The following HTR4 variants were observed in gnomAD, a reference collection of about 807,000 sequenced individuals.
HTR4 encodes the protein 5-hydroxytryptamine (serotonin) receptor 4, G protein-coupled.
Under a neutral mutation model 36.8 loss-of-function variants are expected in HTR4, and 16 were observed. That is an observed-to-expected ratio of 0.43 (90% confidence interval 0.29 to 0.66). The LOEUF (loss-of-function observed/expected upper bound fraction) is 0.66, where lower values mean the gene tolerates loss of function less well. Among genes scored for constraint, HTR4 ranks in the 30% least tolerant of loss-of-function variants. The pLI is 0.13. For missense variants in HTR4, 438 were observed against 490.9 expected, an observed-to-expected ratio of 0.89 and a Z score of 1.02; for synonymous variants, 189 against 185.1, an observed-to-expected ratio of 1.02 and a Z score of -0.17.
chr5:148,598,928 TA>T (rs1761885548), intron 2 of HTR4, among the ~76,000 whole-genome samples: 2 of 152,160 alleles, frequency 1.3e-5, no homozygotes. Context: ...AAGTAGATTT[TA>T]AAATATTTTA....
intron 2 of HTR4, among the ~76,000 whole-genome samples, chr5:148,557,992 T>A (rs1760030213): frequency 6.6e-6 from 1 of 151,904 alleles, no homozygotes; most frequent in Non-Finnish European, 1.5e-5. Context: ...AAGTGTCTCC[T>A]CTCCCACCTG....
chr5:148,583,113 A>G (rs1167765253), intron 2 of HTR4, among the ~76,000 whole-genome samples: 1 of 151,636 alleles, frequency 6.6e-6, no homozygotes, highest in African/African-American at 2.4e-5. Context: ...CGTCCCATCA[A>G]TACCTAATTT....
downstream of HTR4, among the ~76,000 whole-genome samples, chr5:148,479,699 A>G (rs1182990533): frequency 1.3e-5 from 2 of 152,192 alleles, no homozygotes; most frequent in East Asian, 3.9e-4. Context: ...AATCATAGCT[A>G]TAACTAACAA....
At chr5:148,614,060 T>G (rs1317523106) in intron 2 of HTR4, among the ~76,000 whole-genome samples, 2 of 151,812 alleles carry the variant, frequency 1.3e-5, no homozygotes, top group Middle Eastern at 6.3e-3. Flanking sequence ...GAACATTCTA[T>G]GCTCATGGGT....
At chr5:148,609,662 T>G (rs1314322765) in intron 2 of HTR4, among the ~76,000 whole-genome samples, 1 of 150,046 alleles carries the variant, frequency 6.7e-6, no homozygotes, top group East Asian at 2.0e-4. Flanking sequence ...GCCTCCAGGG[T>G]TCATGCCATT....
At chr5:148,540,151 A>T (rs1040519414) in intron 4 of HTR4, among the ~76,000 whole-genome samples, 2 of 151,988 alleles carry the variant, frequency 1.3e-5, no homozygotes, top group African/African-American at 4.8e-5. Context: ...GTTCTCGTTT[A>T]TAAATGGGAG....
intron 2 of HTR4, among the ~76,000 whole-genome samples, chr5:148,552,404 G>C (rs567693072): frequency 6.6e-6 from 1 of 152,326 alleles, no homozygotes; most frequent in East Asian, 1.9e-4. Flanking sequence ...TTAATAGGCT[G>C]ATGTGGCCAC....
At chr5:148,580,171 C>T (rs1581503515) in intron 2 of HTR4, among the ~76,000 whole-genome samples, 1 of 151,946 alleles carries the variant, frequency 6.6e-6, no homozygotes. Context: ...CAATTAGATA[C>T]AGTGAAACAA....
At chr5:148,561,285 G>C (rs1581478571) in intron 2 of HTR4, among the ~76,000 whole-genome samples, 1 of 152,150 alleles carries the variant, frequency 6.6e-6, no homozygotes, top group Non-Finnish European at 1.5e-5. Context: ...GTTAAAAGCT[G>C]TAAGGAATAC....
intron 6 of HTR4, among the ~76,000 whole-genome samples, chr5:148,505,248 A>G (rs1238002365): frequency 1.2e-4 from 19 of 152,240 alleles, no homozygotes; most frequent in Admixed American, 1.2e-3. Flanking sequence ...AATCCAGCAT[A>G]TAAACAGAAC....
chr5:148,603,459 A>G (rs1762065029), intron 2 of HTR4, among the ~76,000 whole-genome samples: 1 of 152,070 alleles, frequency 6.6e-6, no homozygotes, highest in Non-Finnish European at 1.5e-5. Flanking sequence ...AAGCTTTTTC[A>G]TAATATCAAA....
chr5:148,453,223 ACAT>A (rs1256228040), intron 5 of HTR4, among the ~76,000 whole-genome samples: 1 of 152,146 alleles, frequency 6.6e-6, no homozygotes, highest in Non-Finnish European at 1.5e-5. Context: ...CCCCTCAGAA[ACAT>A]CAGGTTCATC....
intron 2 of HTR4, among the ~76,000 whole-genome samples, chr5:148,563,658 T>C (rs961423869): frequency 1.3e-5 from 2 of 152,196 alleles, no homozygotes; most frequent in African/African-American, 2.4e-5. Flanking sequence ...CTTTAAAAAA[T>C]AGTGCCTGTA....
intron 6 of HTR4, among the ~76,000 whole-genome samples, chr5:148,508,749 GTTAT>G (rs1757346437): frequency 1.3e-5 from 2 of 151,936 alleles, no homozygotes; most frequent in South Asian, 4.2e-4. Flanking sequence ...AGTTTATCAT[GTTAT>G]TTATGGCCAT....
chr5:148,490,256 C>T, intron 6 of HTR4, among the ~76,000 whole-genome samples: 1 of 149,292 alleles, frequency 6.7e-6, no homozygotes, highest in Admixed American at 6.7e-5. Context: ...ATATTTTTTC[C>T]AAATGCAATC....
intron 5 of HTR4, among the ~76,000 whole-genome samples, chr5:148,465,559 T>C (rs1317054682): frequency 6.6e-6 from 1 of 152,232 alleles, no homozygotes; most frequent in Non-Finnish European, 1.5e-5. Context: ...ATCACAGTTA[T>C]ACTGGGTGAT....
chr5:148,600,546 A>G (rs979214626), intron 2 of HTR4, among the ~76,000 whole-genome samples: 1 of 151,714 alleles, frequency 6.6e-6, no homozygotes. Flanking sequence ...CAAGATCAAC[A>G]CACAAAAAGC....
At chr5:148,606,105 G>T (rs1382657048) in intron 2 of HTR4, among the ~76,000 whole-genome samples, 2 of 152,118 alleles carry the variant, frequency 1.3e-5, no homozygotes, top group East Asian at 3.8e-4. Context: ...GAAACTAACA[G>T]ATTAATTTGG....
intron 2 of HTR4, among the ~76,000 whole-genome samples, chr5:148,570,424 T>C (rs1241523715): frequency 6.6e-6 from 1 of 151,972 alleles, no homozygotes; most frequent in African/African-American, 2.4e-5. Flanking sequence ...GTACACAAGG[T>C]AACATTGACC....
Sources: allele counts gnomAD v4.1 joint callset (sites outside exome capture counted in the v4.1 genomes callset), GRCh38; gene constraint gnomAD v4.1.1; transcripts MANE v1.5; gene names NCBI Gene and HGNC (gene_info 2026-07-23, HGNC 2026-07-21).